The following PCDHGA1 variants were observed in gnomAD, a reference collection of about 807,000 sequenced individuals.
PCDHGA1 encodes the protein protocadherin gamma-A1.
Under a neutral mutation model 58.0 loss-of-function variants are expected in PCDHGA1, and 32 were observed. The ratio of observed to expected loss-of-function variants is 0.55; its 90% CI spans 0.42 to 0.74. The LOEUF (loss-of-function observed/expected upper bound fraction) is 0.74, where lower values mean the gene tolerates loss of function less well. Among genes scored for constraint, PCDHGA1 ranks in the 30% least tolerant of loss-of-function variants. PCDHGA1 has a pLI of 0.00. For synonymous variants in PCDHGA1, 498 were observed against 501.1 expected (o/e 0.99, Z 0.08); for missense variants, 1,205 against 1,182.3 (o/e 1.02, Z -0.28).
At chr5:141,355,864 C>G (rs749145164) in intron 1 of PCDHGA1, 3 of 1,612,452 alleles carry the variant, frequency 1.9e-6, no homozygotes, top group Non-Finnish European at 2.5e-6. Flanking sequence ...TGACCCGGTT[C>G]GCTCTGGCAC....
intron 1 of PCDHGA1, among the ~76,000 whole-genome samples, chr5:141,447,234 G>T (rs534523483): frequency 9.9e-4 from 150 of 152,170 alleles, no homozygotes; most frequent in Non-Finnish European, 1.8e-3. Flanking sequence ...CCGCCTCCCG[G>T]GTTCAAGTGA....
chr5:141,340,445 G>A (rs763328762), intron 1 of PCDHGA1: 14 of 1,614,134 alleles, frequency 8.7e-6, no homozygotes, highest in East Asian at 6.7e-5. Context: ...TTACTCTTTC[G>A]CGGAGGACAC....
chr5:141,438,641 C>CAT (rs2098042490), intron 1 of PCDHGA1, among the ~76,000 whole-genome samples: 2 of 79,354 alleles, frequency 2.5e-5, no homozygotes, highest in Non-Finnish European at 4.5e-5. Context: ...TATATACACA[C>CAT]ACACACACAC....
chr5:141,477,814 G>C lies in PCDHGA1; in HGVS notation c.2422-16993G>C, dbSNP rs780195618. The C allele has an allele frequency of 1.2e-6, 2 of 1,614,110 alleles. No homozygotes were observed. The highest frequency in any genetic ancestry group is 1.1e-5 in the South Asian group (1 of 91,074). On this transcript the variant is annotated intron_variant, in intron 1 of 3. Coordinates refer to ENST00000517417, the MANE Select transcript of PCDHGA1 (RefSeq NM_018912.3). The surrounding 1 kb of genome is among the most constrained non-coding windows in gnomAD (Gnocchi z 4.9). ...CTGATCGCAATGACAATGCCCCCCA[G>C]GTCCTATATCCTCGGCCAGGTGGGA... is the stretch of plus-strand genomic sequence containing the variant.
chr5:141,421,272 G>A, intron 1 of PCDHGA1: 1 of 1,612,340 alleles, frequency 6.2e-7, no homozygotes, highest in Non-Finnish European at 8.5e-7. Context: ...GGCTGCTGCT[G>A]CTGCTGTGCA....
At chr5:141,340,637 A>G (rs1395922548) in intron 1 of PCDHGA1, 1 of 1,614,170 alleles carries the variant, frequency 6.2e-7, no homozygotes, top group South Asian at 1.1e-5. Context: ...GCTGGACCAG[A>G]ACGACAACGC....
rs968787667 is a variant in PCDHGA1, at chr5:141,334,775, A to G, written c.2421+1670A>G. ...ATCCAGAATATCACTGCTGTGCATC[A>G]TTAAAGCGTCATTAAGAGACCTAGT... On this transcript the variant is annotated intron_variant, in intron 1 of 3. Coordinates refer to ENST00000517417, the MANE Select transcript of PCDHGA1 (RefSeq NM_018912.3). This position sits in a 1 kb window ranked among gnomAD's most constrained non-coding sequence, Gnocchi z 4.6. 6.6e-6 allele frequency: 1 copy of G among 152,234 alleles called. No individual in the cohort carries two copies. The highest frequency in any genetic ancestry group is 1.9e-4 in the East Asian group (1 of 5,192). The allele number at this position is 152,234 out of a possible 1,614,324, so 9.4% of individuals were successfully genotyped here.
chr5:141,390,781 G>C (rs527538379), intron 1 of PCDHGA1: 97 of 165,826 alleles, frequency 5.8e-4, no homozygotes, highest in Non-Finnish European at 1.1e-3. Flanking sequence ...CTTCCCTTTT[G>C]TTTCAAAAGC....
At chr5:141,413,355 C>G in intron 1 of PCDHGA1, 1 of 1,613,952 alleles carries the variant, frequency 6.2e-7, no homozygotes, top group Non-Finnish European at 8.5e-7. Context: ...GTCTGGCGCC[C>G]CGGGAGCTGG....
At position 141,414,131 on chromosome 5, in the gene PCDHGA1, A is replaced by G. The variant is rs977911874; in HGVS notation, c.2422-80676A>G. 1.9e-6 allele frequency: 3 copies of G among 1,594,622 alleles called. No homozygotes were observed. The highest frequency in any genetic ancestry group is 2.7e-5 in the African/African-American group (2 of 74,402). The stretch of plus-strand genomic sequence containing the variant: ...CTAGATTATGAAGAAACCGGTTTCT[A>G]TGAAATAGAAATACAAGCAGAAGAT... On this transcript the variant is annotated intron_variant, in intron 1 of 3. Transcript: ENST00000517417.
intron 1 of PCDHGA1, chr5:141,405,167 C>T (rs926303279): frequency 7.4e-6 from 12 of 1,614,002 alleles, no homozygotes; most frequent in African/African-American, 1.3e-5. Flanking sequence ...GCCCACCTCA[C>T]ACTTTGTGGG....
chr5:141,409,900 T>G (rs756245078), intron 1 of PCDHGA1: 1 of 1,613,144 alleles, frequency 6.2e-7, no homozygotes, highest in Non-Finnish European at 8.5e-7. Flanking sequence ...TGTACCCAGC[T>G]CTGGGTCCTG....
chr5:141,442,457 T>G (rs1209684998), intron 1 of PCDHGA1: 1 of 152,268 alleles, frequency 6.6e-6, no homozygotes, highest in African/African-American at 2.4e-5. Context: ...AATAGCAGTT[T>G]CACTGCAGAA....
At chr5:141,426,407 C>T (rs974898367) in intron 1 of PCDHGA1, 5 of 257,632 alleles carry the variant, frequency 1.9e-5, no homozygotes, top group African/African-American at 6.6e-5. Context: ...CCAGAAGAAA[C>T]GGTCCAGGGC....
chr5:141,422,069 C>A, intron 1 of PCDHGA1: 3 of 1,611,836 alleles, frequency 1.9e-6, no homozygotes, highest in Non-Finnish European at 2.5e-6. Flanking sequence ...GTAATGTATT[C>A]ATTTCGGAAC....
intron 1 of PCDHGA1, among the ~76,000 whole-genome samples, chr5:141,457,836 C>T (rs1418402508): frequency 6.6e-6 from 1 of 152,202 alleles, no homozygotes; most frequent in African/African-American, 2.4e-5. Context: ...GCTTCCAGAC[C>T]TGTTAGAAAG....
At chr5:141,347,195 T>C (rs577064998) in intron 1 of PCDHGA1, among the ~76,000 whole-genome samples, 1 of 78,072 alleles carries the variant, frequency 1.3e-5, no homozygotes, top group African/African-American at 7.4e-5. Flanking sequence ...AGGGTCTTAC[T>C]CTGTCTGGAG....
At chr5:141,385,442 G>A (rs949035085) in intron 1 of PCDHGA1, 28 of 1,449,952 alleles carry the variant, frequency 1.9e-5, no homozygotes, top group South Asian at 1.5e-5. Flanking sequence ...AGGTAAAAAT[G>A]AGTTTACCAG....
rs1331251272 is a variant in PCDHGA1 at position 141,394,996 on chromosome 5, C to G, written c.2421+61891C>G. The G allele has an allele frequency of 3.1e-6, 5 of 1,614,034 alleles. No individual in the cohort carries two copies. In the South Asian group the frequency reaches 5.5e-5, roughly 18 times the overall value. On this transcript the variant is annotated intron_variant, in intron 1 of 3. Coordinates refer to ENST00000517417, the MANE Select transcript of PCDHGA1 (RefSeq NM_018912.3). ...CACAAGTCACGCCTGCTCCAGGATTCCGGTGGCAGATTGGTAGGCGTGCCT... is the reference window on the plus strand; with the variant it reads ...CACAAGTCACGCCTGCTCCAGGATTGCGGTGGCAGATTGGTAGGCGTGCCT...
Sources: gnomAD v4.1 joint callset for allele counts (sites outside exome capture counted in the v4.1 genomes callset) on GRCh38, gnomAD v4.1.1 for gene constraint, Gnocchi (gnomAD v3.1) non-coding constraint, MANE v1.5 for transcripts, NCBI Gene and HGNC (gene_info 2026-07-23, HGNC 2026-07-21) for gene names.